PTPRD: variants seen among roughly 807,000 people sequenced by gnomAD.
PTPRD encodes receptor-type tyrosine-protein phosphatase delta.
PTPRD carries 34 observed loss-of-function variants against 214.5 expected under a neutral mutation model. The observed-to-expected ratio is 0.16, with a 90% confidence interval of 0.12 to 0.21. PTPRD has a LOEUF of 0.21. Among genes scored for constraint, PTPRD ranks in the 10% least tolerant of loss-of-function variants. The probability of loss-of-function intolerance (pLI) is 1.00; values close to 1 mark genes in which losing one functional copy is unlikely to be tolerated. For missense variants in PTPRD, 2,545 were observed against 2,398.7 expected, an observed-to-expected ratio of 1.06 and a Z score of -1.27; for synonymous variants, 1,128 against 845.7, an observed-to-expected ratio of 1.33 and a Z score of -5.79.
chr9:10,485,548 T>C (rs1247322202), intron 2 of PTPRD, among the ~76,000 whole-genome samples: 2 of 152,084 alleles, frequency 1.3e-5, no homozygotes, highest in Non-Finnish European at 1.5e-5. Context: ...ATCAATATTG[T>C]ACAGTTTTCA....
At chr9:9,779,263 C>T (rs2154488477) in intron 5 of PTPRD, among the ~76,000 whole-genome samples, 1 of 151,906 alleles carries the variant, frequency 6.6e-6, no homozygotes, top group African/African-American at 2.4e-5. Context: ...TAGAAGAAAA[C>T]CTAGAAAATA....
intron 43 of PTPRD, 121 bp from the exon 44 acceptor site, chr9:8,331,857 G>C (rs1165977192): frequency 4.3e-5 from 52 of 1,209,196 alleles, no homozygotes; most frequent in Non-Finnish European, 5.7e-5. Context: ...GAAAAAGTTA[G>C]GAACATGTTT....
At chr9:8,776,962 A>C (rs911791734) in intron 11 of PTPRD, among the ~76,000 whole-genome samples, 5 of 148,476 alleles carry the variant, frequency 3.4e-5, no homozygotes, top group African/African-American at 9.8e-5. Context: ...GTATATAAAT[A>C]TATTCTATTC....
chr9:9,077,505 T>G (rs1391669464), intron 10 of PTPRD, among the ~76,000 whole-genome samples: 1 of 152,098 alleles, frequency 6.6e-6, no homozygotes, highest in Non-Finnish European at 1.5e-5. Flanking sequence ...TTCATCTGGA[T>G]TAAAATACAT....
At chr9:10,421,678 G>A (rs1025040123) in intron 2 of PTPRD, among the ~76,000 whole-genome samples, 3 of 151,734 alleles carry the variant, frequency 2.0e-5, no homozygotes, top group Non-Finnish European at 4.4e-5. Flanking sequence ...GATCCATTTG[G>A]TTTCTAAATG....
At chr9:9,557,120 G>A (rs1386066822) in intron 8 of PTPRD, among the ~76,000 whole-genome samples, 1 of 152,098 alleles carries the variant, frequency 6.6e-6, no homozygotes, top group African/African-American at 2.4e-5. Context: ...CATTGCCATT[G>A]TAAACCAAAA....
intron 8 of PTPRD, among the ~76,000 whole-genome samples, chr9:9,517,001 T>TGGC: frequency 6.6e-6 from 1 of 152,078 alleles, no homozygotes; most frequent in African/African-American, 2.4e-5. Flanking sequence ...ATAAACATAA[T>TGGC]AAATGCTGTA....
At chr9:9,778,565 T>A (rs1432049256) in intron 5 of PTPRD, among the ~76,000 whole-genome samples, 1 of 152,090 alleles carries the variant, frequency 6.6e-6, no homozygotes, top group East Asian at 1.9e-4. Context: ...GGCATGTCTG[T>A]TTTGTAAGTC....
intron 30 of PTPRD, among the ~76,000 whole-genome samples, chr9:8,475,020 A>G (rs775382214): frequency 9.2e-5 from 14 of 152,170 alleles, no homozygotes; most frequent in Non-Finnish European, 2.1e-4. Flanking sequence ...TGTGTCATAT[A>G]GAGAACAAAA....
rs74397478 is a variant in PTPRD at position 9,975,540 on chromosome 9, G to A, written c.-471-36930C>T. 8.1e-3 allele frequency among the ~76,000 whole-genome samples: 1,230 copies of A among 152,278 alleles called. 18 individuals carry two copies. Among genetic ancestry groups the A allele is most frequent in the African/African-American group, 0.028 (1,147 of 41,552 alleles). Reference sequence around the variant, plus strand: ...ACCTGGAACTTATTAGGCATTCAGCGTCTCAGACTTTTCCAAAGACTTCGT... The same window carrying A: ...ACCTGGAACTTATTAGGCATTCAGCATCTCAGACTTTTCCAAAGACTTCGT... On this transcript the variant is annotated intron_variant, in intron 4 of 45. Coordinates refer to ENST00000381196, the MANE Select transcript of PTPRD (RefSeq NM_002839.4).
intron 11 of PTPRD, among the ~76,000 whole-genome samples, chr9:8,839,127 A>C (rs978766132): frequency 2.6e-5 from 4 of 152,126 alleles, no homozygotes; most frequent in Non-Finnish European, 5.9e-5. Context: ...CCCTTAGGCA[A>C]AGGAAATATA....
chr9:8,491,658 TA>T (rs922847603), intron 27 of PTPRD, among the ~76,000 whole-genome samples: 3,487 of 113,498 alleles, frequency 0.031, 27 homozygotes, highest in East Asian at 0.057. Flanking sequence ...CAATGGTATT[TA>T]AAAAAAAAAA....
chr9:10,239,426 T>G (rs755012821), intron 3 of PTPRD, among the ~76,000 whole-genome samples: 7 of 151,938 alleles, frequency 4.6e-5, no homozygotes, highest in Non-Finnish European at 1.0e-4. Flanking sequence ...ATTAATAAAA[T>G]AAAAGAAATT....
intron 8 of PTPRD, among the ~76,000 whole-genome samples, chr9:9,419,948 C>T (rs1052889676): frequency 6.6e-6 from 1 of 151,516 alleles, no homozygotes; most frequent in African/African-American, 2.4e-5. Context: ...TATCTTTGAT[C>T]CAGCACCGAC....
chr9:9,994,261 CT>C (rs1056845977), intron 4 of PTPRD, among the ~76,000 whole-genome samples: 1 of 152,128 alleles, frequency 6.6e-6, no homozygotes, highest in Non-Finnish European at 1.5e-5. Flanking sequence ...TATATCCTTC[CT>C]TTTTCCTCAT....
At chr9:9,077,323 G>T (rs1002543472) in intron 10 of PTPRD, among the ~76,000 whole-genome samples, 6 of 151,836 alleles carry the variant, frequency 4.0e-5, no homozygotes, top group Admixed American at 3.9e-4. Flanking sequence ...AATACCATGG[G>T]TGTATATTTC....
chr9:10,313,727 T>C (rs567879286), intron 3 of PTPRD, among the ~76,000 whole-genome samples: 1 of 151,934 alleles, frequency 6.6e-6, no homozygotes, highest in South Asian at 2.1e-4. Context: ...TTCCGATGTG[T>C]TTTTACTGAA....
At chr9:9,797,977 A>G (rs964409287) in intron 5 of PTPRD, among the ~76,000 whole-genome samples, 2 of 152,352 alleles carry the variant, frequency 1.3e-5, no homozygotes, top group African/African-American at 4.8e-5. Context: ...GAATACACGA[A>G]TGTTCTTGAT....
At chr9:8,950,931 C>G (rs1318180947) in intron 11 of PTPRD, among the ~76,000 whole-genome samples, 1 of 151,948 alleles carries the variant, frequency 6.6e-6, no homozygotes, top group African/African-American at 2.4e-5. Flanking sequence ...TTTCAGAGTT[C>G]CAGCATGCTT....
Sources: allele counts gnomAD v4.1 joint callset (sites outside exome capture counted in the v4.1 genomes callset), GRCh38; gene constraint gnomAD v4.1.1; transcripts MANE v1.5; gene names NCBI Gene and HGNC (gene_info 2026-07-23, HGNC 2026-07-21).